PRDM8: variants seen among roughly 807,000 people sequenced by gnomAD.
The protein encoded by PRDM8 is PR domain zinc finger protein 8.
PRDM8 carries 13 observed loss-of-function variants against 46.5 expected under a neutral mutation model. The ratio of observed to expected loss-of-function variants is 0.28; its 90% CI spans 0.18 to 0.44. PRDM8 has a LOEUF of 0.44. Among genes scored for constraint, PRDM8 ranks in the 20% least tolerant of loss-of-function variants. PRDM8 has a pLI of 1.00. For missense variants in PRDM8, 998 were observed against 955.0 expected, an observed-to-expected ratio of 1.04 and a Z score of -0.59; for synonymous variants, 473 against 438.4, an observed-to-expected ratio of 1.08 and a Z score of -0.98.
chr4:80,198,993 TG>T (rs371839824), intron 1 of PRDM8, among the ~76,000 whole-genome samples: 1,477 of 94,158 alleles, frequency 0.016, 27 homozygotes, highest in African/African-American at 0.031. Flanking sequence ...TTTTTTTTTT[TG>T]TTTTTTTTTT....
upstream of PRDM8, chr4:80,196,737 AAAAC>A (rs572598733): frequency 2.3e-6 from 2 of 876,236 alleles, no homozygotes; most frequent in East Asian, 1.2e-4. Context: ...CACGAAAACA[AAAAC>A]AAACAAAAAA....
chr4:80,201,582 G>A (rs1045054262), intron 3 of PRDM8, 61 bp downstream of exon 3: 1 of 1,527,610 alleles, frequency 6.5e-7, no homozygotes, highest in African/African-American at 1.4e-5. Flanking sequence ...CGCAGGGAGC[G>A]GCAGGGGCTC....
At position 80,202,342 on chromosome 4, in the gene PRDM8, G is replaced by T. The variant is rs1738555862; in HGVS notation, c.880G>T (p.Gly294Cys). The T allele has an allele frequency of 6.2e-7, 1 of 1,601,954 alleles. No individual in the cohort carries two copies. The change falls in exon 4 of 4, where the codon GGC becomes TGC. Residue 294 changes from glycine to cysteine, a missense_variant. Physicochemically the swap from Gly to Cys is radical, Grantham distance 159. Transcript: ENST00000415738. ...SSGSGSGGGGGHQEAELSPDG... is the reference protein window; with the variant it reads ...SSGSGSGGGGCHQEAELSPDG... ...CGGTAGCGGCAGCGGCGGCGGCGGCGGCCACCAGGAGGCGGAGCTGAGTCC... is the reference window on the plus strand; with the variant it reads ...CGGTAGCGGCAGCGGCGGCGGCGGCTGCCACCAGGAGGCGGAGCTGAGTCC...
At chr4:80,187,405 G>A (rs966882539) in intron 1 of PRDM8, among the ~76,000 whole-genome samples, 1 of 152,202 alleles carries the variant, frequency 6.6e-6, no homozygotes, top group Non-Finnish European at 1.5e-5. Flanking sequence ...GTCAGAGGAT[G>A]ATACTGGTAT....
At chr4:80,194,129 G>A (rs1042928855), upstream of PRDM8, 6 of 771,678 alleles carry the variant, frequency 7.8e-6, no homozygotes, top group Non-Finnish European at 9.4e-6. Flanking sequence ...AAAGCCACCT[G>A]GGGTGTCATT....
Position 80,202,779 on chromosome 4 carries a change from G to C in PRDM8, c.1317G>C (p.Pro439=). 3 of 1,246,122 alleles carry C rather than the reference G, an allele frequency of 2.4e-6. No homozygotes were observed. The highest frequency in any genetic ancestry group is 2.0e-6 in the Non-Finnish European group (2 of 999,014). 77.2% of individuals were successfully genotyped at this position (1,246,122 alleles called of 1,614,324 possible). The part of the protein sequence containing the change: ...SPVGAEKLLA[P]RPGGPLPSRL... ...TGGGCGCCGAGAAGCTGCTGGCCCC[G>C]CGGCCTGGGGGCCCGCTGCCCAGCC... The change falls in exon 4 of 4, where the codon CCG becomes CCC. Residue 439 remains proline (P), a synonymous_variant. Coordinates refer to ENST00000415738, the MANE Select transcript of PRDM8 (RefSeq NM_001099403.2).
At chr4:80,194,802 C>T (rs1429314261), upstream of PRDM8, among the ~76,000 whole-genome samples, 1 of 152,118 alleles carries the variant, frequency 6.6e-6, no homozygotes, top group African/African-American at 2.4e-5. Flanking sequence ...CATCTGTTGG[C>T]CAGATTCTCA....
chr4:80,199,423 G>A (rs1051942478), intron 1 of PRDM8, among the ~76,000 whole-genome samples: 2 of 152,134 alleles, frequency 1.3e-5, no homozygotes, highest in African/African-American at 4.8e-5. Context: ...TTGGATTATG[G>A]TAATGAGCAG....
Position 80,200,287 on chromosome 4 carries a change from G to C in PRDM8, c.207G>C (p.Pro69=). The C allele has an allele frequency of 6.2e-7, 1 of 1,612,826 alleles. No individual in the cohort carries two copies. The highest frequency in any genetic ancestry group is 1.1e-5 in the South Asian group (1 of 91,044). ...AGTCTACTGACAAGAGAACAGTACC[G>C]TATATCTTTCGGGTAAGTCTCCACT... ...ALKSTDKRTV[P]YIFRVDTSAA... is the part of the protein sequence containing the mutation. Residue 69 remains proline, a synonymous_variant, in exon 2 of 4, where the codon CCG becomes CCC. Coordinates refer to ENST00000415738, the MANE Select transcript of PRDM8 (RefSeq NM_001099403.2).
chr4:80,197,861 G>T (rs1738083700), intron 1 of PRDM8, 98 bp downstream of exon 1: 1 of 914,484 alleles, frequency 1.1e-6, no homozygotes, highest in South Asian at 5.0e-5. Flanking sequence ...TTATCCAGAA[G>T]AGAGAGAAAA....
chr4:80,199,976 T>C (rs954777976), intron 1 of PRDM8, 103 bp from the exon 2 acceptor site: 5 of 854,534 alleles, frequency 5.9e-6, no homozygotes, highest in Admixed American at 2.3e-5. Flanking sequence ...AAATCAGGCA[T>C]GTGCAAGGAA....
At chr4:80,197,096 T>C (rs1344902500), upstream of PRDM8, 2 of 985,286 alleles carry the variant, frequency 2.0e-6, no homozygotes, top group Non-Finnish European at 2.4e-6. Flanking sequence ...CCTCTCCCTT[T>C]CACGGAACGC....
rs1481074105 is a variant in PRDM8 at position 80,197,574 on chromosome 4, C to T, written c.-192C>T. The stretch of plus-strand genomic sequence containing the variant: ...CTCTCTCCCTCCCTCCCTCCCTCCA[C>T]CCCCCCAATCTTTTTCTCCCCATCT... On this transcript the variant is annotated 5_prime_UTR_variant, in exon 1 of 4. Coordinates refer to ENST00000415738, the MANE Select transcript of PRDM8 (RefSeq NM_001099403.2). 3 of 964,874 alleles carry T rather than the reference C, an allele frequency of 3.1e-6. No homozygotes were observed. Among genetic ancestry groups the T allele is most frequent in the East Asian group, 2.3e-4 (2 of 8,676 alleles). The allele number at this position is 964,874 out of a possible 1,614,324, so 59.8% of individuals were successfully genotyped here.
upstream of PRDM8, among the ~76,000 whole-genome samples, chr4:80,194,493 A>C (rs1737797263): frequency 6.6e-6 from 1 of 152,164 alleles, no homozygotes; most frequent in Non-Finnish European, 1.5e-5. Flanking sequence ...TTAGCCCATA[A>C]ATTTCTACAG....
upstream of PRDM8, among the ~76,000 whole-genome samples, chr4:80,194,644 T>C (rs1187328680): frequency 6.6e-6 from 1 of 152,240 alleles, no homozygotes; most frequent in African/African-American, 2.4e-5. Context: ...CTTACTTATA[T>C]TGTTTTGTTA....
upstream of PRDM8, chr4:80,196,246 T>G (rs1737952671): frequency 1.1e-6 from 1 of 949,358 alleles, no homozygotes; most frequent in Non-Finnish European, 1.3e-6. Flanking sequence ...ACAATCCGAT[T>G]TATCCTAATG....
rs762076183 is a variant in PRDM8, at chr4:80,203,061, C to T, written c.1599C>T (p.Gly533=). 1 of 1,563,258 alleles carries T rather than the reference C, an allele frequency of 6.4e-7. No homozygotes were observed. Residue 533 remains glycine (G), a synonymous_variant, in exon 4 of 4, where the codon GGC becomes GGT. Coordinates refer to ENST00000415738, the MANE Select transcript of PRDM8 (RefSeq NM_001099403.2). ...LEPCHPADGV[G]PTRLYPAAAD... ...CATGCCACCCCGCCGACGGCGTGGG[C>T]CCCACCAGACTCTATCCCGCCGCCG...
chr4:80,194,366 A>G, upstream of PRDM8: 1 of 338,896 alleles, frequency 3.0e-6, no homozygotes, highest in Non-Finnish European at 4.2e-6. Context: ...ACTATTGACT[A>G]GGTACACTTT....
chr4:80,199,693 A>G (rs1426521530), intron 1 of PRDM8, among the ~76,000 whole-genome samples: 1 of 113,318 alleles, frequency 8.8e-6, no homozygotes, highest in Non-Finnish European at 1.8e-5. Flanking sequence ...AATTATATAT[A>G]TGTATATATA....
Sources: allele counts gnomAD v4.1 joint callset (sites outside exome capture counted in the v4.1 genomes callset), GRCh38; gene constraint gnomAD v4.1.1; transcripts MANE v1.5; gene names NCBI Gene and HGNC (gene_info 2026-07-23, HGNC 2026-07-21).